Variants in NRXN1 observed in about 807,000 individuals in gnomAD.
NRXN1 encodes the protein neurexin-1.
A neutral mutation model predicts 150.9 loss-of-function variants in NRXN1; 39 were observed. The ratio of observed to expected loss-of-function variants is 0.26; its 90% CI spans 0.20 to 0.34. The LOEUF is 0.34. NRXN1 is among the 10% of genes least tolerant of loss of function. The pLI is 1.00. For synonymous variants in NRXN1, 924 were observed against 757.0 expected (o/e 1.22, Z -3.62); for missense variants, 1,815 against 1,949.9 (o/e 0.93, Z 1.30).
chr2:50,458,220 G>A (rs901136689), intron 17 of NRXN1, among the ~76,000 whole-genome samples: 1 of 152,258 alleles, frequency 6.6e-6, no homozygotes, highest in South Asian at 2.1e-4. Context: ...ATATGTGCGA[G>A]CTAGTAAAAT....
At chr2:50,893,910 T>C (rs1349184338) in intron 5 of NRXN1, among the ~76,000 whole-genome samples, 2 of 152,176 alleles carry the variant, frequency 1.3e-5, no homozygotes, top group African/African-American at 4.8e-5. Context: ...ATTTCATCCA[T>C]GTCCCTACAA....
Position 49,921,912 on chromosome 2 carries a change from T to C in NRXN1, c.*32A>G, listed in dbSNP as rs771125521. ...ATGTCTCAGATAAAATGAAGACTAT[T>C]TCTATACAAGTGTCCATTTAAGATC... On this transcript the variant is annotated 3_prime_UTR_variant, in exon 23 of 23. Coordinates refer to ENST00000401669, the MANE Select transcript of NRXN1 (RefSeq NM_001330078.2). 5 of 1,600,300 alleles carry C rather than the reference T, an allele frequency of 3.1e-6. No individual in the cohort carries two copies. The highest frequency in any genetic ancestry group is 3.4e-6 in the Non-Finnish European group (4 of 1,167,972).
chr2:50,206,390 C>T (rs924942556), intron 18 of NRXN1, among the ~76,000 whole-genome samples: 7 of 152,050 alleles, frequency 4.6e-5, no homozygotes, highest in Non-Finnish European at 8.8e-5. Flanking sequence ...ATGTCTCATG[C>T]AAATGTATGT....
intron 5 of NRXN1, among the ~76,000 whole-genome samples, chr2:50,848,235 A>G (rs373142914): frequency 3.3e-5 from 5 of 152,214 alleles, no homozygotes; most frequent in Admixed American, 6.5e-5. Context: ...CCACATCCCC[A>G]TCGCACGCCC....
chr2:50,417,976 A>G (rs1179896103), intron 17 of NRXN1, among the ~76,000 whole-genome samples: 1 of 152,010 alleles, frequency 6.6e-6, no homozygotes, highest in Non-Finnish European at 1.5e-5. Flanking sequence ...CGGAGTACTG[A>G]GAAGTTTTAA....
chr2:50,554,887 C>A (rs1308975753), intron 8 of NRXN1, among the ~76,000 whole-genome samples: 1 of 152,058 alleles, frequency 6.6e-6, no homozygotes, highest in Non-Finnish European at 1.5e-5. Flanking sequence ...TAACAAGCAT[C>A]TATTGACAAC....
intron 17 of NRXN1, among the ~76,000 whole-genome samples, chr2:50,297,211 G>A (rs962539263): frequency 2.0e-5 from 3 of 152,036 alleles, no homozygotes; most frequent in Non-Finnish European, 4.4e-5. Context: ...TTTAATGGCT[G>A]TATAGTATTC....
intron 21 of NRXN1, among the ~76,000 whole-genome samples, chr2:49,946,542 CTTGAG>C (rs1264557875): frequency 6.6e-6 from 1 of 152,000 alleles, no homozygotes; most frequent in Non-Finnish European, 1.5e-5. Flanking sequence ...TTTAATCCAT[CTTGAG>C]TTAATTTTTG....
chr2:50,605,060 AATTAC>A (rs753290017), intron 8 of NRXN1, among the ~76,000 whole-genome samples: 29 of 152,182 alleles, frequency 1.9e-4, no homozygotes, highest in Admixed American at 3.3e-4. Context: ...ATACTGGTAA[AATTAC>A]ATTACAGTAG....
At chr2:50,124,251 T>A (rs145712153) in intron 18 of NRXN1, among the ~76,000 whole-genome samples, 99 of 152,306 alleles carry the variant, frequency 6.5e-4, no homozygotes, top group African/African-American at 2.2e-3. Flanking sequence ...TGATGGTTAC[T>A]GTTCACCTTA....
intron 17 of NRXN1, among the ~76,000 whole-genome samples, chr2:50,307,828 T>A (rs2074777038): frequency 6.6e-6 from 1 of 152,150 alleles, no homozygotes; most frequent in African/African-American, 2.4e-5. Context: ...GGAATAGTTG[T>A]ATGAACACTA....
At position 50,605,925 on chromosome 2, in the gene NRXN1, A is replaced by T. The variant is rs946972300; in HGVS notation, c.1320+14097T>A. On this transcript the variant is annotated intron_variant, in intron 8 of 22. Coordinates refer to ENST00000401669, the MANE Select transcript of NRXN1 (RefSeq NM_001330078.2). ...CCATTGATGGATGACTGGATTTTTT[A>T]AAATGTGGTATATACATACAAGGGA... Among the ~76,000 whole-genome samples the T allele has an allele frequency of 5.3e-5, 8 of 152,222 alleles. 1 individual carries two copies. Among genetic ancestry groups the T allele is most frequent in the East Asian group, 1.9e-4 (1 of 5,160 alleles).
At chr2:50,292,048 C>T (rs927082570) in intron 17 of NRXN1, among the ~76,000 whole-genome samples, 1 of 152,160 alleles carries the variant, frequency 6.6e-6, no homozygotes, top group African/African-American at 2.4e-5. Context: ...CACCCTTCAA[C>T]TTGAAATTCC....
intron 18 of NRXN1, among the ~76,000 whole-genome samples, chr2:50,131,336 T>A (rs1705463112): frequency 6.6e-6 from 1 of 152,208 alleles, no homozygotes; most frequent in Non-Finnish European, 1.5e-5. Flanking sequence ...CCTTACTGTT[T>A]AAGTTTATTC....
chr2:49,984,540 GC>G (rs756950195), intron 21 of NRXN1, among the ~76,000 whole-genome samples: 1 of 152,030 alleles, frequency 6.6e-6, no homozygotes, highest in Non-Finnish European at 1.5e-5. Context: ...GTGAAGGGGG[GC>G]TCCTTTCTCT....
chr2:50,898,399 A>C (rs1175114669), intron 5 of NRXN1, among the ~76,000 whole-genome samples: 1 of 152,194 alleles, frequency 6.6e-6, no homozygotes, highest in Non-Finnish European at 1.5e-5. Flanking sequence ...CCAAAGATGT[A>C]TAAGAGAGGA....
chr2:50,463,613 T>C lies in NRXN1; in HGVS notation c.3364+1829A>G, dbSNP rs190012755. ...TCACCCAAGAGCAGCATTAAAATAG[T>C]TTTCTGTAAAAATCATTCGAAGACA... On this transcript the variant is annotated intron_variant, in intron 17 of 22. Coordinates refer to ENST00000401669, the MANE Select transcript of NRXN1 (RefSeq NM_001330078.2). Among the ~76,000 whole-genome samples the C allele has an allele frequency of 2.0e-5, 3 of 151,896 alleles. No individual in the cohort carries two copies. The East Asian group carries it at 5.8e-4, about 30-fold the overall frequency.
chr2:50,434,689 T>A (rs1192909245), intron 17 of NRXN1, among the ~76,000 whole-genome samples: 1 of 152,208 alleles, frequency 6.6e-6, no homozygotes, highest in East Asian at 1.9e-4. Flanking sequence ...AATTTCTTTG[T>A]TCACTTTTTG....
chr2:50,517,722 G>A lies in NRXN1; in HGVS notation c.2374+10903C>T, dbSNP rs1573363789. Among the ~76,000 whole-genome samples the A allele has an allele frequency of 4.6e-5, 7 of 152,180 alleles. 1 individual carries two copies. The highest frequency in any genetic ancestry group is 4.6e-4 in the Admixed American group (7 of 15,260). On this transcript the variant is annotated intron_variant, in intron 12 of 22. Coordinates refer to ENST00000401669, the MANE Select transcript of NRXN1 (RefSeq NM_001330078.2). ...AAGGTTAGCAGTGAATAACTTCCGA[G>A]TCCAAAGGAAATAGTTGGCTTAGAA...
Sources: allele counts gnomAD v4.1 joint callset (sites outside exome capture counted in the v4.1 genomes callset), GRCh38; gene constraint gnomAD v4.1.1; transcripts MANE v1.5; gene names NCBI Gene and HGNC (gene_info 2026-07-23, HGNC 2026-07-21).